Variants in FAM107A observed in about 807,000 individuals in gnomAD.
The protein encoded by FAM107A is family with sequence similarity 107 member A.
A neutral mutation model predicts 13.7 loss-of-function variants in FAM107A; 19 were observed. The ratio of observed to expected loss-of-function variants is 1.38; its 90% CI spans 0.97 to 2.03. The LOEUF (loss-of-function observed/expected upper bound fraction) is 2.03, where lower values mean the gene tolerates loss of function less well. FAM107A is among the 30% of genes most tolerant of loss of function. FAM107A has a pLI of 0.00. For synonymous variants in FAM107A, 82 were observed against 74.5 expected, an observed-to-expected ratio of 1.10 and a Z score of -0.52; for missense variants, 203 against 184.4, an observed-to-expected ratio of 1.10 and a Z score of -0.58.
In FAM107A at chr3:58,595,918, G is replaced by A. The variant is rs115145934; in HGVS notation, c.-69-6649C>T. On this transcript the variant is annotated intron_variant, in intron 1 of 3. Transcript: ENST00000465970. ...ATAACTGATAGTCTTTTCCAAGGACGATGCTGAAAAATATGGCCAACTGTC... is the reference window on the plus strand; with the variant it reads ...ATAACTGATAGTCTTTTCCAAGGACAATGCTGAAAAATATGGCCAACTGTC... Among the ~76,000 whole-genome samples the A allele has an allele frequency of 4.5e-3, 691 of 152,334 alleles. 4 individuals carry two copies. Among genetic ancestry groups the A allele is most frequent in the African/African-American group, 0.016 (654 of 41,564 alleles).
upstream of FAM107A, among the ~76,000 whole-genome samples, chr3:58,579,349 G>A (rs1370637996): frequency 1.3e-5 from 2 of 152,112 alleles, no homozygotes; most frequent in Non-Finnish European, 2.9e-5. Context: ...GACCATTCTC[G>A]AGCCACTTAA....
At chr3:58,571,020 C>A (rs1232435840) in intron 1 of FAM107A, among the ~76,000 whole-genome samples, 2 of 152,354 alleles carry the variant, frequency 1.3e-5, no homozygotes, top group Admixed American at 6.5e-5. Flanking sequence ...TTTCCTCCCC[C>A]ACACTGGGAA....
At chr3:58,580,911 AAG>A (rs1366963730), upstream of FAM107A, among the ~76,000 whole-genome samples, 1 of 152,252 alleles carries the variant, frequency 6.6e-6, no homozygotes, top group Non-Finnish European at 1.5e-5. Context: ...AAATGTGAGA[AAG>A]AGCAACATTT....
chr3:58,589,468 C>T (rs532818055), upstream of FAM107A, among the ~76,000 whole-genome samples: 5 of 151,928 alleles, frequency 3.3e-5, no homozygotes, highest in Admixed American at 6.6e-5. Context: ...TGCCCACATG[C>T]GTATTTATGA....
intron 1 of FAM107A, among the ~76,000 whole-genome samples, chr3:58,615,953 G>T (rs1350026807): frequency 1.3e-5 from 2 of 149,528 alleles, no homozygotes; most frequent in Non-Finnish European, 3.0e-5. Context: ...ACCAGAAGGA[G>T]TCAATCATGA....
chr3:58,584,172 G>A (rs559861914), intron 1 of FAM107A, among the ~76,000 whole-genome samples: 2 of 152,204 alleles, frequency 1.3e-5, no homozygotes, highest in South Asian at 2.1e-4. Context: ...CTTCACTCTC[G>A]ATGAGTTGTA....
rs1043948 is a variant in FAM107A, at chr3:58,565,968, G to A, written c.*620C>T. ...TGTGGTTAGAAGGCCTGGACGGGGA[G>A]GCTGTGCGGAGGGGATGATGAAAGC... On this transcript the variant is annotated 3_prime_UTR_variant, in exon 4 of 4. Coordinates refer to ENST00000360997, the MANE Select transcript of FAM107A (RefSeq NM_001076778.3). 1 of 152,260 alleles carries A rather than the reference G, an allele frequency of 6.6e-6. No individual in the cohort carries two copies. The highest frequency in any genetic ancestry group is 1.5e-5 in the Non-Finnish European group (1 of 68,104). 9.4% of individuals were successfully genotyped at this position (152,260 alleles called of 1,614,324 possible).
At chr3:58,567,405 T>A in intron 2 of FAM107A, 41 bp from the exon 3 acceptor site, 1 of 1,575,660 alleles carries the variant, frequency 6.3e-7, no homozygotes. Flanking sequence ...ACCATCACCT[T>A]CCCGCTTCCC....
chr3:58,613,025 A>G lies in FAM107A; in HGVS notation c.-70+14391T>C, dbSNP rs1305322126. 3.3e-5 allele frequency among the ~76,000 whole-genome samples: 5 copies of G among 151,964 alleles called. No homozygotes were observed. The East Asian group carries it at 9.7e-4, about 29-fold the overall frequency. Reference sequence around the variant, plus strand: ...AGTTTCTACTGCTGTCCTTCCCGTTACCTCCTCCAATGGGGCTTCAGTCAC... The same window carrying G: ...AGTTTCTACTGCTGTCCTTCCCGTTGCCTCCTCCAATGGGGCTTCAGTCAC... On this transcript the variant is annotated intron_variant, in intron 1 of 3. Coordinates refer to the FAM107A transcript ENST00000465970. This position sits in a 1 kb window ranked among gnomAD's most constrained non-coding sequence, Gnocchi z 4.6.
intron 1 of FAM107A, among the ~76,000 whole-genome samples, chr3:58,612,841 A>G (rs774363025): frequency 6.6e-5 from 10 of 152,194 alleles, no homozygotes; most frequent in Non-Finnish European, 1.5e-4. Flanking sequence ...ATCACCTCTC[A>G]TCACCGCCCC....
intron 1 of FAM107A, among the ~76,000 whole-genome samples, chr3:58,616,929 A>G (rs2065907448): frequency 6.6e-6 from 1 of 152,094 alleles, no homozygotes; most frequent in South Asian, 2.1e-4. Context: ...ACACGCCACC[A>G]CATCCAGCTA....
intron 1 of FAM107A, among the ~76,000 whole-genome samples, chr3:58,574,719 C>T (rs3792402): frequency 0.49 from 74,168 of 152,050 alleles, 19,318 homozygotes; most frequent in Non-Finnish European, 0.6. Context: ...TGTTGTTTTT[C>T]CTGGGGTGGG....
In FAM107A at chr3:58,596,405, C is replaced by T. The variant is rs577443043; in HGVS notation, c.-69-7136G>A. On this transcript the variant is annotated intron_variant, in intron 1 of 3. Transcript: ENST00000465970. ...TAAAAATTGAGGTGTAGGCTGGGTG[C>T]GGTGGCTCACGCCTGTAATCCCAGC... 1.5e-4 allele frequency among the ~76,000 whole-genome samples: 23 copies of T among 151,800 alleles called. 1 individual carries two copies. The highest frequency in any genetic ancestry group is 1.0e-3 in the South Asian group (5 of 4,796).
intron 1 of FAM107A, among the ~76,000 whole-genome samples, chr3:58,624,974 G>A (rs1178296774): frequency 1.3e-5 from 2 of 151,734 alleles, no homozygotes; most frequent in Non-Finnish European, 1.5e-5. Flanking sequence ...CTGATCAACA[G>A]CCTTCTGTGG....
intron 1 of FAM107A, among the ~76,000 whole-genome samples, chr3:58,605,664 G>A (rs1017286113): frequency 1.3e-5 from 2 of 152,164 alleles, no homozygotes; most frequent in African/African-American, 2.4e-5. Context: ...TAGTGGTAGT[G>A]CTAGTGTGGC....
chr3:58,617,312 C>T lies in FAM107A; in HGVS notation c.-70+10104G>A, dbSNP rs902962980. 6.6e-6 allele frequency among the ~76,000 whole-genome samples: 1 copy of T among 152,072 alleles called. No homozygotes were observed. The highest frequency in any genetic ancestry group is 2.4e-5 in the African/African-American group (1 of 41,402). On this transcript the variant is annotated intron_variant, in intron 1 of 3. Coordinates refer to the FAM107A transcript ENST00000465970. This position sits in a 1 kb window ranked among gnomAD's most constrained non-coding sequence, Gnocchi z 4.5. ...GGAGAAAAATCCCCGGATGGTCCCT[C>T]AAAAGGACAGACACTGCCCCATTTC...
At chr3:58,614,693 C>T (rs1363570520) in intron 1 of FAM107A, among the ~76,000 whole-genome samples, 1 of 151,666 alleles carries the variant, frequency 6.6e-6, no homozygotes, top group Non-Finnish European at 1.5e-5. Context: ...TTAGTAGAGA[C>T]AGGGTTTTGC....
intron 1 of FAM107A, among the ~76,000 whole-genome samples, chr3:58,595,351 G>C (rs889856720): frequency 1.3e-5 from 2 of 152,204 alleles, no homozygotes; most frequent in African/African-American, 4.8e-5. Context: ...AGCACCTGAA[G>C]ATCCACAGAA....
chr3:58,585,461 T>C (rs1027917348), intron 1 of FAM107A, among the ~76,000 whole-genome samples: 2 of 152,234 alleles, frequency 1.3e-5, no homozygotes, highest in South Asian at 2.1e-4. Flanking sequence ...GTGGTTCCAG[T>C]AACTGGGTGG....
Sources: gnomAD v4.1 joint callset for allele counts (sites outside exome capture counted in the v4.1 genomes callset) on GRCh38, gnomAD v4.1.1 for gene constraint, Gnocchi (gnomAD v3.1) non-coding constraint, MANE v1.5 for transcripts, NCBI Gene and HGNC (gene_info 2026-07-23, HGNC 2026-07-21) for gene names.